Variants in NAV3 observed in about 807,000 individuals in gnomAD.
The protein encoded by NAV3 is neuron navigator 3.
A neutral mutation model predicts 244.7 loss-of-function variants in NAV3; 87 were observed. That is an observed-to-expected ratio of 0.36 (90% CI 0.30 to 0.42). The LOEUF is 0.42. NAV3 is among the 20% of genes least tolerant of loss of function. The pLI is 1.00. For synonymous variants in NAV3, 1,126 were observed against 1,042.2 expected (o/e 1.08, Z -1.55); for missense variants, 2,663 against 2,893.3 (o/e 0.92, Z 1.83).
rs746071746 is a variant in NAV3 at position 78,179,701 on chromosome 12, T to G, written c.5517+19T>G. On this transcript the variant is annotated intron_variant, in intron 29 of 39. Transcript: ENST00000397909. ...GATGCAGGTTGGTACTGAAGCACTT[T>G]CAAGGAATAAAATGGAGAAACAAAA... 2.6e-5 allele frequency: 42 copies of G among 1,593,274 alleles called. 1 individual carries two copies. Among genetic ancestry groups the G allele is most frequent in the Admixed American group, 3.6e-5 (2 of 55,036 alleles).
chr12:77,807,752 G>C (rs1872059193), intron 2 of NAV3, among the ~76,000 whole-genome samples: 1 of 152,108 alleles, frequency 6.6e-6, no homozygotes, highest in South Asian at 2.1e-4. Flanking sequence ...AGTTCTCCTG[G>C]ATAATATCCT....
At chr12:77,999,534 C>T (rs1163842397) in intron 7 of NAV3, among the ~76,000 whole-genome samples, 2 of 152,336 alleles carry the variant, frequency 1.3e-5, no homozygotes, top group Admixed American at 6.5e-5. Flanking sequence ...AAGCAAGACA[C>T]TCTTTTGTGT....
intron 2 of NAV3, among the ~76,000 whole-genome samples, chr12:77,797,846 A>C (rs532170306): frequency 6.6e-6 from 1 of 151,770 alleles, no homozygotes; most frequent in Non-Finnish European, 1.5e-5. Context: ...CTCAAAAAAA[A>C]AAAAGTACCT....
intron 1 of NAV3, among the ~76,000 whole-genome samples, chr12:77,898,405 G>T (rs923440677): frequency 6.6e-6 from 1 of 152,072 alleles, no homozygotes; most frequent in African/African-American, 2.4e-5. Flanking sequence ...ATATATAGAC[G>T]CAAACAAATT....
intron 26 of NAV3, 103 bp from the exon 27 acceptor site, chr12:78,177,037 TG>T (rs1958259770): frequency 1.8e-6 from 2 of 1,090,948 alleles, no homozygotes; most frequent in Non-Finnish European, 2.8e-6. Context: ...TTGTACATAC[TG>T]ACCCCAGGCA....
chr12:78,156,502 A>C (rs1221939224), intron 22 of NAV3, among the ~76,000 whole-genome samples: 1 of 152,104 alleles, frequency 6.6e-6, no homozygotes, highest in African/African-American at 2.4e-5. Context: ...TACAATCCCG[A>C]TTTCTTTGTC....
chr12:77,850,445 T>A (rs763089825), intron 1 of NAV3, among the ~76,000 whole-genome samples: 1 of 152,248 alleles, frequency 6.6e-6, no homozygotes, highest in Non-Finnish European at 1.5e-5. Context: ...TCAGACAGGA[T>A]ACTTATCAAA....
At chr12:78,046,461 T>C (rs1038343296) in intron 9 of NAV3, among the ~76,000 whole-genome samples, 2 of 152,240 alleles carry the variant, frequency 1.3e-5, no homozygotes, top group Non-Finnish European at 2.9e-5. Flanking sequence ...AAATAACTTA[T>C]TGATTTCTGC....
At chr12:78,047,684 C>T (rs896838284) in intron 9 of NAV3, among the ~76,000 whole-genome samples, 1 of 152,108 alleles carries the variant, frequency 6.6e-6, no homozygotes, top group Non-Finnish European at 1.5e-5. Context: ...AATTACGTGT[C>T]TTGGGGTTGC....
intron 18 of NAV3, among the ~76,000 whole-genome samples, chr12:78,132,695 A>G (rs1173937305): frequency 1.3e-5 from 2 of 151,904 alleles, no homozygotes; most frequent in African/African-American, 4.8e-5. Context: ...TTTTATCCTA[A>G]ACCCTTTTTC....
chr12:77,975,126 C>A (rs1234387231), intron 5 of NAV3, among the ~76,000 whole-genome samples: 1 of 152,038 alleles, frequency 6.6e-6, no homozygotes, highest in African/African-American at 2.4e-5. Context: ...AGCAGAATAA[C>A]CCCTTTAATT....
chr12:77,792,161 A>C (rs1393363310), intron 2 of NAV3, among the ~76,000 whole-genome samples: 2 of 151,252 alleles, frequency 1.3e-5, no homozygotes, highest in Non-Finnish European at 2.9e-5. Flanking sequence ...TTTTTAAAAA[A>C]CTCTCTGGAT....
At chr12:78,111,068 G>T (rs1276445894) in intron 12 of NAV3, among the ~76,000 whole-genome samples, 18 of 151,894 alleles carry the variant, frequency 1.2e-4, no homozygotes, top group Admixed American at 1.2e-3. Context: ...GAGTTAAAAA[G>T]TGTAAACATA....
chr12:77,650,189 T>G (rs967600791), intron 2 of NAV3, among the ~76,000 whole-genome samples: 16 of 152,196 alleles, frequency 1.1e-4, no homozygotes, highest in Non-Finnish European at 1.9e-4. Flanking sequence ...CCATGAAACT[T>G]GTAATAAAAA....
At chr12:77,881,874 T>G (rs1882695533) in intron 1 of NAV3, among the ~76,000 whole-genome samples, 1 of 152,064 alleles carries the variant, frequency 6.6e-6, no homozygotes, top group South Asian at 2.1e-4. Flanking sequence ...ACCAAGGTGG[T>G]GAACGACTTC....
At chr12:78,176,383 T>A (rs200520691) in intron 25 of NAV3, 56 bp from the exon 26 acceptor site, 237 of 1,560,334 alleles carry the variant, frequency 1.5e-4, no homozygotes, top group Non-Finnish European at 2.0e-4. Context: ...TTTAAAATAC[T>A]GATCAGCCTT....
intron 39 of NAV3, among the ~76,000 whole-genome samples, chr12:78,209,391 G>T (rs1183315927): frequency 6.6e-6 from 1 of 151,920 alleles, no homozygotes; most frequent in Non-Finnish European, 1.5e-5. Flanking sequence ...AATAAAATTA[G>T]TATGCATTAG....
chr12:78,151,283 A>T (rs1371993384), intron 22 of NAV3, among the ~76,000 whole-genome samples: 1 of 152,074 alleles, frequency 6.6e-6, no homozygotes, highest in East Asian at 1.9e-4. Context: ...AACAATTTAT[A>T]ATGTAATTTA....
intron 9 of NAV3, among the ~76,000 whole-genome samples, chr12:78,044,648 T>A (rs758050031): frequency 6.6e-6 from 1 of 152,200 alleles, no homozygotes; most frequent in Non-Finnish European, 1.5e-5. Context: ...GTCCTTCACA[T>A]ACCTTTAAGT....
Sources: gnomAD v4.1 joint callset for allele counts (sites outside exome capture counted in the v4.1 genomes callset) on GRCh38, gnomAD v4.1.1 for gene constraint, MANE v1.5 for transcripts, NCBI Gene and HGNC (gene_info 2026-07-23, HGNC 2026-07-21) for gene names.